The following ZNF385B variants were observed in gnomAD, a reference collection of about 807,000 sequenced individuals.
ZNF385B encodes zinc finger protein 385B.
In ZNF385B, 23 loss-of-function variants were observed where a neutral mutation model predicts 39.2. That is an observed-to-expected ratio of 0.59 (90% CI 0.42 to 0.83). ZNF385B has a LOEUF of 0.83. Ranked by LOEUF, ZNF385B falls within the 40% of genes least tolerant of loss-of-function variation. The pLI is 0.00. For synonymous variants in ZNF385B, 205 were observed against 222.6 expected (o/e 0.92, Z 0.70); for missense variants, 552 against 598.9 (o/e 0.92, Z 0.82).
rs747336802 is a variant in ZNF385B at position 179,711,881 on chromosome 2, A to ATTTT, written c.298+57618_298+57621dup. ...ACTGCAAAAATGCTATATAAACTGC[A>ATTTT]TTTTTTTTTTTTTTTTTTTTTTTTT... On this transcript the variant is annotated intron_variant, in intron 3 of 9. Transcript: ENST00000410066. Among the ~76,000 whole-genome samples, 19 of 90,916 alleles carry ATTTT rather than the reference A, an allele frequency of 2.1e-4. 1 individual carries two copies. Among genetic ancestry groups the ATTTT allele is most frequent in the African/African-American group, 7.0e-4 (16 of 22,728 alleles). 59.6% of individuals were successfully genotyped at this position (90,916 alleles called of 152,430 possible). A position where few individuals can be genotyped will look rare whatever the true frequency, so the allele number is the denominator to read the frequency against.
At chr2:179,542,622 T>C (rs2059988038) in intron 4 of ZNF385B, among the ~76,000 whole-genome samples, 1 of 152,228 alleles carries the variant, frequency 6.6e-6, no homozygotes, top group African/African-American at 2.4e-5. Context: ...TGTAATTTTA[T>C]CTTTAAAAAT....
At chr2:179,811,244 CAG>C (rs1332353781) in intron 1 of ZNF385B, among the ~76,000 whole-genome samples, 2 of 152,136 alleles carry the variant, frequency 1.3e-5, no homozygotes, top group African/African-American at 4.8e-5. Context: ...AAACAATCTG[CAG>C]AGTCAACATT....
At chr2:179,599,646 T>C (rs949774163) in intron 3 of ZNF385B, among the ~76,000 whole-genome samples, 1 of 152,140 alleles carries the variant, frequency 6.6e-6, no homozygotes, top group South Asian at 2.1e-4. Flanking sequence ...AGGTACCCAA[T>C]AAACATGCTG....
chr2:179,562,496 T>A, intron 3 of ZNF385B: 1 of 985,406 alleles, frequency 1.0e-6, no homozygotes, highest in Non-Finnish European at 1.2e-6. Context: ...CTCAACCTGG[T>A]GCTCCCGTGA....
At chr2:179,802,502 A>G (rs1343627265) in intron 1 of ZNF385B, 1 of 152,122 alleles carries the variant, frequency 6.6e-6, no homozygotes, top group Admixed American at 6.6e-5. Flanking sequence ...ATAAAATTAA[A>G]ACAGTCCCAA....
intron 4 of ZNF385B, among the ~76,000 whole-genome samples, chr2:179,526,106 G>A: frequency 6.9e-6 from 1 of 144,536 alleles, no homozygotes; most frequent in Non-Finnish European, 1.5e-5. Flanking sequence ...GGCTCAGTCT[G>A]GGTCACTGCA....
intron 3 of ZNF385B, among the ~76,000 whole-genome samples, chr2:179,766,602 C>T (rs1327060400): frequency 6.6e-6 from 1 of 152,088 alleles, no homozygotes; most frequent in East Asian, 1.9e-4. Flanking sequence ...ATCATCTTCC[C>T]TCTCTGTGCA....
At chr2:179,497,252 AATAAG>A (rs1162493581) in intron 5 of ZNF385B, among the ~76,000 whole-genome samples, 2 of 152,332 alleles carry the variant, frequency 1.3e-5, no homozygotes, top group African/African-American at 4.8e-5. Flanking sequence ...AAAAACACAG[AATAAG>A]ATAACACTGT....
At chr2:179,626,113 T>C (rs1249233459) in intron 3 of ZNF385B, among the ~76,000 whole-genome samples, 1 of 152,168 alleles carries the variant, frequency 6.6e-6, no homozygotes, top group Non-Finnish European at 1.5e-5. Context: ...TCAGAATGTA[T>C]ACACATAGAC....
At chr2:179,549,820 T>C (rs1431303211) in intron 3 of ZNF385B, among the ~76,000 whole-genome samples, 5 of 149,244 alleles carry the variant, frequency 3.4e-5, no homozygotes. Context: ...CCCCATCCAT[T>C]AGGGAAGACA....
chr2:179,650,485 G>A (rs1430603032), intron 3 of ZNF385B, among the ~76,000 whole-genome samples: 1 of 152,190 alleles, frequency 6.6e-6, no homozygotes, highest in Non-Finnish European at 1.5e-5. Flanking sequence ...GATACTTGGA[G>A]ACAAATAAAA....
chr2:179,787,895 T>C (rs944025145), intron 1 of ZNF385B, among the ~76,000 whole-genome samples: 2 of 152,152 alleles, frequency 1.3e-5, no homozygotes, highest in Non-Finnish European at 2.9e-5. Flanking sequence ...AAAGATAAAT[T>C]GTGAAACACA....
At chr2:179,842,829 A>G (rs1708606435) in intron 1 of ZNF385B, among the ~76,000 whole-genome samples, 1 of 152,188 alleles carries the variant, frequency 6.6e-6, no homozygotes, top group African/African-American at 2.4e-5. Context: ...TTTCCTGCAG[A>G]TAAGAAGCCA....
intron 3 of ZNF385B, among the ~76,000 whole-genome samples, chr2:179,691,263 A>G (rs889342731): frequency 6.6e-6 from 1 of 152,218 alleles, no homozygotes; most frequent in Admixed American, 6.5e-5. Context: ...GTTCATTTTC[A>G]AAATCTATCC....
chr2:179,483,917 G>C (rs534615837), intron 5 of ZNF385B, among the ~76,000 whole-genome samples: 1 of 152,276 alleles, frequency 6.6e-6, no homozygotes, highest in Admixed American at 6.5e-5. Context: ...CATGTTAATA[G>C]GTGCTACTGA....
intron 3 of ZNF385B, among the ~76,000 whole-genome samples, chr2:179,738,112 T>C (rs1211082365): frequency 6.6e-6 from 1 of 152,208 alleles, no homozygotes; most frequent in Non-Finnish European, 1.5e-5. Context: ...GAGGTATCTG[T>C]ACCATGTCCA....
intron 5 of ZNF385B, among the ~76,000 whole-genome samples, chr2:179,493,618 T>G (rs372362259): frequency 9.0e-6 from 1 of 110,558 alleles, no homozygotes; most frequent in Non-Finnish European, 1.9e-5. Flanking sequence ...TGTACGTACA[T>G]ATATGTATAC....
chr2:179,821,870 A>C (rs1484188632), intron 1 of ZNF385B, among the ~76,000 whole-genome samples: 1 of 152,154 alleles, frequency 6.6e-6, no homozygotes, highest in Non-Finnish European at 1.5e-5. Context: ...CTGCAGTGAC[A>C]AAAATAGGAT....
Position 179,539,773 on chromosome 2 carries a change from A to G in ZNF385B, c.441+5054T>C, listed in dbSNP as rs533306268. Among the ~76,000 whole-genome samples, 50 of 152,318 alleles carry G rather than the reference A, an allele frequency of 3.3e-4. 1 individual carries two copies. Among genetic ancestry groups the G allele is most frequent in the African/African-American group, 1.2e-3 (49 of 41,574 alleles). On this transcript the variant is annotated intron_variant, in intron 4 of 9. Coordinates refer to ENST00000410066, the MANE Select transcript of ZNF385B (RefSeq NM_152520.6). ...AATGAAAACATCTCTACTAAGATAG[A>G]AAAAAAGATTTTTTCTGTTGTTTCT...
Sources: gnomAD v4.1 joint callset for allele counts (sites outside exome capture counted in the v4.1 genomes callset) on GRCh38, gnomAD v4.1.1 for gene constraint, MANE v1.5 for transcripts, NCBI Gene and HGNC (gene_info 2026-07-23, HGNC 2026-07-21) for gene names.